The following CACNA1S variants were observed in gnomAD, a reference collection of about 807,000 sequenced individuals.
The protein encoded by CACNA1S is calcium voltage-gated channel subunit alpha1 S.
In CACNA1S, 126 loss-of-function variants were observed where a neutral mutation model predicts 207.4. The ratio of observed to expected loss-of-function variants is 0.61; its 90% CI spans 0.53 to 0.70. The LOEUF (loss-of-function observed/expected upper bound fraction) is 0.70. Ranked by LOEUF, CACNA1S falls within the 30% of genes least tolerant of loss-of-function variation. The pLI is 0.00. For missense variants in CACNA1S, 2,349 were observed against 2,422.8 expected (o/e 0.97, Z 0.64); for synonymous variants, 960 against 932.7 (o/e 1.03, Z -0.53).
chr1:201,075,427 C>T, intron 13 of CACNA1S, 68 bp downstream of exon 13: 1 of 1,601,912 alleles, frequency 6.2e-7, no homozygotes, highest in Non-Finnish European at 8.5e-7. Context: ...ACCCTTGACC[C>T]CCATTTTAAG....
At chr1:201,090,117 C>T (rs1357997970) in intron 5 of CACNA1S, among the ~76,000 whole-genome samples, 1 of 152,156 alleles carries the variant, frequency 6.6e-6, no homozygotes, top group African/African-American at 2.4e-5. Flanking sequence ...AACTGGAACA[C>T]CCTGCCTTAC....
At chr1:201,077,479 A>G (rs555717707) in intron 11 of CACNA1S, among the ~76,000 whole-genome samples, 1 of 152,344 alleles carries the variant, frequency 6.6e-6, no homozygotes, top group South Asian at 2.1e-4. Context: ...TAGTGCAAGC[A>G]GATGAACCTC....
intron 22 of CACNA1S, among the ~76,000 whole-genome samples, chr1:201,062,990 G>A (rs1156931496): frequency 6.6e-6 from 1 of 152,188 alleles, no homozygotes; most frequent in African/African-American, 2.4e-5. Flanking sequence ...CCAGTGGGGC[G>A]GGAGCAGCAG....
At chr1:201,050,930 A>T (rs1358468313) in intron 33 of CACNA1S, 54 bp downstream of exon 33, 2 of 1,574,016 alleles carry the variant, frequency 1.3e-6, no homozygotes, top group African/African-American at 1.4e-5. Context: ...AGGCTCCCCC[A>T]TGCCTCAGCT....
At chr1:201,041,994 C>T (rs1265798948) in intron 40 of CACNA1S, 1 of 325,682 alleles carries the variant, frequency 3.1e-6, no homozygotes, top group African/African-American at 2.1e-5. Flanking sequence ...TTGGGATTTG[C>T]AGAAGCTCCC....
chr1:201,040,148 T>G, intron 43 of CACNA1S, 66 bp from the exon 44 acceptor site: 1 of 1,611,942 alleles, frequency 6.2e-7, no homozygotes, highest in Non-Finnish European at 8.5e-7. Flanking sequence ...CCTGCCTCTG[T>G]TGGCCCTACC....
intron 41 of CACNA1S, among the ~76,000 whole-genome samples, chr1:201,041,035 GCAGTATCCTTATTGCCACTAGCCCC>G (rs1217620596): frequency 2.6e-5 from 4 of 152,212 alleles, no homozygotes; most frequent in Non-Finnish European, 5.9e-5. Context: ...GGGGAACACA[GCAGTATCCTTATTGCCACTAGCCCC>G]CAGCATCCTT....
At chr1:201,110,291 G>T in intron 1 of CACNA1S, 22 bp from the exon 2 acceptor site, 2 of 1,606,006 alleles carry the variant, frequency 1.2e-6, no homozygotes, top group Non-Finnish European at 1.7e-6. Context: ...GTTAAGGAGA[G>T]CCCTCGAGTG....
chr1:201,043,231 A>T (rs1212020344), intron 40 of CACNA1S, 50 bp downstream of exon 40: 4 of 1,612,976 alleles, frequency 2.5e-6, no homozygotes. Context: ...ACCTGCTGAC[A>T]TTGTCCTCCC....
chr1:201,109,401 CA>C (rs1380577001), intron 2 of CACNA1S, among the ~76,000 whole-genome samples: 26 of 152,334 alleles, frequency 1.7e-4, no homozygotes, highest in African/African-American at 6.3e-4. Flanking sequence ...ACTTACCCCA[CA>C]GGAGTAGTTA....
chr1:201,089,815 G>A (rs1662165052), intron 5 of CACNA1S, among the ~76,000 whole-genome samples: 1 of 152,252 alleles, frequency 6.6e-6, no homozygotes, highest in South Asian at 2.1e-4. Flanking sequence ...GCTGGAGCAG[G>A]GCTGGAGGTG....
intron 36 of CACNA1S, 27 bp from the exon 37 acceptor site, chr1:201,047,653 C>A (rs769051375): frequency 6.6e-7 from 1 of 1,506,806 alleles, no homozygotes; most frequent in Admixed American, 1.7e-5. Flanking sequence ...GCAAAAGTTA[C>A]CCAGATCACA....
At chr1:201,101,548 C>T (rs551444128) in intron 2 of CACNA1S, among the ~76,000 whole-genome samples, 31 of 152,370 alleles carry the variant, frequency 2.0e-4, no homozygotes, top group East Asian at 5.8e-4. Flanking sequence ...GGGGCAGGGC[C>T]GGGTGGCCCT....
rs1661229231 is a variant in CACNA1S, at chr1:201,066,088, C to T, written c.2745+141G>A. ...AAGGCTGGTGGGGAAGCATAGCTACCCCAGCCTCATCCTTACCCCTATCTG... is the reference window on the plus strand; with the variant it reads ...AAGGCTGGTGGGGAAGCATAGCTACTCCAGCCTCATCCTTACCCCTATCTG... On this transcript the variant is annotated intron_variant, in intron 21 of 43. Coordinates refer to ENST00000362061, the MANE Select transcript of CACNA1S (RefSeq NM_000069.3). The surrounding 1 kb of genome is among the most constrained non-coding windows in gnomAD (Gnocchi z 4.3). The T allele has an allele frequency of 6.3e-6, 6 of 953,630 alleles. No homozygotes were observed. In the South Asian group the frequency reaches 8.2e-5, roughly 13 times the overall value. The allele number at this position is 953,630 out of a possible 1,614,324, so 59.1% of individuals were successfully genotyped here. A position where few individuals can be genotyped will look rare whatever the true frequency, so the allele number is the denominator to read the frequency against.
rs778705388 is a variant in CACNA1S at position 201,070,321 on chromosome 1, C to T, written c.2311G>A (p.Val771Met). 8.7e-6 allele frequency: 14 copies of T among 1,614,092 alleles called. No individual in the cohort carries two copies. Among genetic ancestry groups the T allele is most frequent in the East Asian group, 2.2e-5 (1 of 44,878 alleles). Residue 771 changes from valine (V) to methionine (M), a missense_variant, in exon 17 of 44, where the codon GTG becomes ATG. Coordinates refer to ENST00000362061, the MANE Select transcript of CACNA1S (RefSeq NM_000069.3). ...AAGGAGCTGGCTTCTGGAATGGGCACGGCCTTCTCTTTCAGCTGCAGCTCA... is the reference window on the plus strand; with the variant it reads ...AAGGAGCTGGCTTCTGGAATGGGCATGGCCTTCTCTTTCAGCTGCAGCTCA... The part of the protein sequence containing the change: ...LAELQLKEKA[V>M]PIPEASSFFI...
chr1:201,073,967 T>A (rs1262375896), intron 14 of CACNA1S, among the ~76,000 whole-genome samples: 2 of 152,180 alleles, frequency 1.3e-5, no homozygotes, highest in African/African-American at 4.8e-5. Context: ...TTGCCCAAGA[T>A]GGCTCCAACT....
At chr1:201,062,992 G>A (rs1256470368) in intron 22 of CACNA1S, among the ~76,000 whole-genome samples, 5 of 152,188 alleles carry the variant, frequency 3.3e-5, no homozygotes, top group Non-Finnish European at 4.4e-5. Context: ...AGTGGGGCGG[G>A]AGCAGCAGAG....
chr1:201,088,206 C>T (rs1160068408), intron 6 of CACNA1S, among the ~76,000 whole-genome samples: 2 of 152,174 alleles, frequency 1.3e-5, no homozygotes, highest in Non-Finnish European at 2.9e-5. Flanking sequence ...AGAGTGTCTC[C>T]TATCTGCCTC....
At chr1:201,082,319 G>A (rs1014476235) in intron 10 of CACNA1S, among the ~76,000 whole-genome samples, 1 of 143,578 alleles carries the variant, frequency 7.0e-6, no homozygotes, top group African/African-American at 2.5e-5. Context: ...GAGCCACCGC[G>A]CCCGGCCTCA....
Sources: allele counts gnomAD v4.1 joint callset (sites outside exome capture counted in the v4.1 genomes callset), GRCh38; gene constraint gnomAD v4.1.1; non-coding constraint Gnocchi (gnomAD v3.1); transcripts MANE v1.5; gene names NCBI Gene and HGNC (gene_info 2026-07-23, HGNC 2026-07-21).